SORCS2: variants seen among roughly 807,000 people sequenced by gnomAD.
The protein encoded by SORCS2 is VPS10 domain-containing receptor SorCS2.
Under a neutral mutation model 141.6 loss-of-function variants are expected in SORCS2, and 100 were observed. The ratio of observed to expected loss-of-function variants is 0.71; its 90% CI spans 0.60 to 0.83. The LOEUF (loss-of-function observed/expected upper bound fraction) is 0.83. SORCS2 is among the 40% of genes least tolerant of loss of function. The pLI, the probability that SORCS2 is intolerant of heterozygous loss-of-function variation, is 0.00. For missense variants in SORCS2, 1,646 were observed against 1,560.2 expected, an observed-to-expected ratio of 1.05 and a Z score of -0.93; for synonymous variants, 789 against 676.9, an observed-to-expected ratio of 1.17 and a Z score of -2.57.
At chr4:7,599,770 G>A (rs77028159) in intron 3 of SORCS2, among the ~76,000 whole-genome samples, 152 of 152,104 alleles carry the variant, frequency 1.0e-3, no homozygotes, top group African/African-American at 3.4e-3. Context: ...CAGGGCGTGG[G>A]ATCTTTGCCC....
intron 3 of SORCS2, among the ~76,000 whole-genome samples, chr4:7,538,405 C>T (rs546531559): frequency 9.2e-5 from 14 of 152,180 alleles, no homozygotes; most frequent in Non-Finnish European, 1.8e-4. Context: ...AGCTTCGGGC[C>T]GACAGCAGGT....
At chr4:7,229,592 C>G (rs17810540) in intron 1 of SORCS2, among the ~76,000 whole-genome samples, 4,583 of 152,352 alleles carry the variant, frequency 0.03, 103 homozygotes, top group Admixed American at 0.061. Context: ...CTGGACCAAA[C>G]CTTACTTGGC....
intron 14 of SORCS2, among the ~76,000 whole-genome samples, chr4:7,711,382 A>G (rs1182558018): frequency 1.3e-5 from 2 of 152,224 alleles, no homozygotes; most frequent in Admixed American, 1.3e-4. Flanking sequence ...CTTTCAGCTC[A>G]TCATGGGCCA....
intron 3 of SORCS2, among the ~76,000 whole-genome samples, chr4:7,610,708 G>C (rs962127814): frequency 1.3e-5 from 2 of 152,146 alleles, no homozygotes. Flanking sequence ...AAATGGTTTA[G>C]AACCAAAAGG....
At chr4:7,246,190 G>A (rs1713070174) in intron 1 of SORCS2, among the ~76,000 whole-genome samples, 1 of 152,210 alleles carries the variant, frequency 6.6e-6, no homozygotes, top group African/African-American at 2.4e-5. Context: ...CGTGAGTGCT[G>A]CATCATTCTA....
intron 2 of SORCS2, among the ~76,000 whole-genome samples, chr4:7,446,578 G>A (rs1442803242): frequency 1.3e-5 from 2 of 152,158 alleles, no homozygotes; most frequent in East Asian, 3.8e-4. Flanking sequence ...GGGAGGGACT[G>A]AGCCTGCTCC....
chr4:7,208,788 G>C (rs921022332), intron 1 of SORCS2, among the ~76,000 whole-genome samples: 1 of 152,222 alleles, frequency 6.6e-6, no homozygotes, highest in Non-Finnish European at 1.5e-5. Flanking sequence ...GCAGAGAGCT[G>C]CCTCTGCCCC....
chr4:7,221,732 C>G (rs754587673), intron 1 of SORCS2, among the ~76,000 whole-genome samples: 2 of 152,202 alleles, frequency 1.3e-5, no homozygotes, highest in African/African-American at 4.8e-5. Flanking sequence ...GCTGCTGGGC[C>G]GTGGAGCGGG....
At chr4:7,587,840 C>T (rs1716643501) in intron 3 of SORCS2, among the ~76,000 whole-genome samples, 1 of 152,240 alleles carries the variant, frequency 6.6e-6, no homozygotes, top group African/African-American at 2.4e-5. Context: ...TCTGGAGCAC[C>T]CCGTTAGGCC....
chr4:7,306,579 G>T (rs1717848271), intron 1 of SORCS2, among the ~76,000 whole-genome samples: 1 of 152,200 alleles, frequency 6.6e-6, no homozygotes, highest in Non-Finnish European at 1.5e-5. Flanking sequence ...TAAGGAATAT[G>T]GCTCTCAGGC....
At chr4:7,296,320 G>T (rs1468730914) in intron 1 of SORCS2, among the ~76,000 whole-genome samples, 1 of 152,248 alleles carries the variant, frequency 6.6e-6, no homozygotes, top group African/African-American at 2.4e-5. Flanking sequence ...TCTGGCCTCA[G>T]TGGTGAGCTC....
intron 2 of SORCS2, among the ~76,000 whole-genome samples, chr4:7,501,681 T>G (rs7654337): frequency 6.6e-6 from 1 of 151,570 alleles, no homozygotes; most frequent in Non-Finnish European, 1.5e-5. Context: ...TTGGTCTCAT[T>G]GTCCCTGTGT....
chr4:7,611,569 A>T (rs1718407591), intron 3 of SORCS2, among the ~76,000 whole-genome samples: 1 of 152,182 alleles, frequency 6.6e-6, no homozygotes, highest in Non-Finnish European at 1.5e-5. Flanking sequence ...GGGCCCCCTG[A>T]AGGTGAGCCC....
Position 7,437,875 on chromosome 4 carries a change from A to G in SORCS2, c.548+41520A>G, listed in dbSNP as rs144140595. Among the ~76,000 whole-genome samples the G allele has an allele frequency of 2.6e-3, 402 of 152,040 alleles. 3 individuals are homozygous for G. Among genetic ancestry groups the G allele is most frequent in the African/African-American group, 9.1e-3 (377 of 41,460 alleles). On this transcript the variant is annotated intron_variant, in intron 2 of 26. Coordinates refer to ENST00000507866, the MANE Select transcript of SORCS2 (RefSeq NM_020777.3). ...CTCCTTTCCTCTCACCTGTCTGTCCACCTACCTAGCCACCTACCTGTCTGT... is the reference window on the plus strand; with the variant it reads ...CTCCTTTCCTCTCACCTGTCTGTCCGCCTACCTAGCCACCTACCTGTCTGT...
At chr4:7,386,660 T>G (rs997484929) in intron 1 of SORCS2, among the ~76,000 whole-genome samples, 3 of 146,136 alleles carry the variant, frequency 2.1e-5, no homozygotes, top group Non-Finnish European at 4.5e-5. Context: ...CAGAAATACA[T>G]GCACACACAC....
chr4:7,657,834 CTGAG>C (rs562836550), intron 5 of SORCS2, among the ~76,000 whole-genome samples: 206 of 135,670 alleles, frequency 1.5e-3, no homozygotes, highest in Middle Eastern at 5.9e-3. Context: ...GAGTCTGTGA[CTGAG>C]TGAGTGAGTG....
chr4:7,276,876 G>T (rs778101464), intron 1 of SORCS2, among the ~76,000 whole-genome samples: 2 of 152,170 alleles, frequency 1.3e-5, no homozygotes, highest in Non-Finnish European at 2.9e-5. Context: ...ATCCAACCCC[G>T]TGGGGAAACT....
intron 14 of SORCS2, among the ~76,000 whole-genome samples, chr4:7,710,341 G>T (rs1725744170): frequency 6.6e-6 from 1 of 152,162 alleles, no homozygotes; most frequent in East Asian, 1.9e-4. Flanking sequence ...GTAAAAGGGG[G>T]CTTGGCAAGG....
intron 9 of SORCS2, among the ~76,000 whole-genome samples, chr4:7,677,672 T>G (rs1228749922): frequency 1.3e-5 from 2 of 152,166 alleles, no homozygotes; most frequent in African/African-American, 4.8e-5. Flanking sequence ...AGGCTCAGCA[T>G]TCATCCCTCC....
Sources: gnomAD v4.1 joint callset for allele counts (sites outside exome capture counted in the v4.1 genomes callset) on GRCh38, gnomAD v4.1.1 for gene constraint, MANE v1.5 for transcripts, NCBI Gene and HGNC (gene_info 2026-07-23, HGNC 2026-07-21) for gene names.